Variants in HOXD4 observed in about 807,000 individuals in gnomAD.
HOXD4 encodes homeobox protein Hox-D4.
Under a neutral mutation model 22.6 loss-of-function variants are expected in HOXD4, and 15 were observed. The observed-to-expected ratio is 0.67, with a 90% CI of 0.45 to 1.02. The LOEUF is 1.02. Ranked by LOEUF, HOXD4 falls within the 50% of genes least tolerant of loss-of-function variation. HOXD4 has a pLI of 0.00. For missense variants in HOXD4, 350 were observed against 346.6 expected, an observed-to-expected ratio of 1.01 and a Z score of -0.08; for synonymous variants, 176 against 157.0, an observed-to-expected ratio of 1.12 and a Z score of -0.90.
In HOXD4 at chr2:176,152,469, A is replaced by T; in HGVS notation, c.434-139A>T. On this transcript the variant is annotated intron_variant, in intron 1 of 1. Transcript: ENST00000306324. This position sits in a 1 kb window ranked among gnomAD's most constrained non-coding sequence, Gnocchi z 5.2. ...GCGTGTGCGCCGGGGAGAGGGCGGG[A>T]GGGAGGAAGCAAGCGAGCTTGGGAG... is the stretch of plus-strand genomic sequence containing the variant. 1 of 661,318 alleles carries T rather than the reference A, an allele frequency of 1.5e-6. No individual in the cohort carries two copies. Among genetic ancestry groups the T allele is most frequent in the South Asian group, 1.5e-5 (1 of 65,778 alleles). The allele number at this position is 661,318 out of a possible 1,614,324, so 41.0% of individuals were successfully genotyped here. A position where few individuals can be genotyped will look rare whatever the true frequency, so the allele number is the denominator to read the frequency against.
At position 176,153,042 on chromosome 2, in the gene HOXD4, T is replaced by C. The variant is rs1690576747; in HGVS notation, c.*100T>C. 2 of 1,168,896 alleles carry C rather than the reference T, an allele frequency of 1.7e-6. No homozygotes were observed. Among genetic ancestry groups the C allele is most frequent in the Admixed American group, 1.8e-5 (1 of 54,946 alleles). 72.4% of individuals were successfully genotyped at this position (1,168,896 alleles called of 1,614,324 possible). ...GTCACCTCGCTGGGCTCTAAGGTAC[T>C]GTGGGGTGGACCTGGGACAAGCAGG... On this transcript the variant is annotated 3_prime_UTR_variant, in exon 2 of 2. Transcript: ENST00000306324.
chr2:176,151,846 G>C lies in HOXD4; in HGVS notation c.213G>C (p.Ser71=), dbSNP rs776389398. 3.1e-6 allele frequency: 5 copies of C among 1,594,134 alleles called. No individual in the cohort carries two copies. The South Asian group carries it at 4.5e-5, about 14-fold the overall frequency. Residue 71 remains serine, a synonymous_variant, in exon 1 of 2, where the codon TCG becomes TCC. Coordinates refer to ENST00000306324, the MANE Select transcript of HOXD4 (RefSeq NM_014621.3). The part of the protein sequence containing the change: ...PFGGSGPGPG[S]ALPARGHGQE... Reference sequence around the variant, plus strand: ...GAGGCAGCGGCCCCGGGCCTGGCTCGGCGCTGCCTGCGCGGGGTCACGGAC... The same window carrying C: ...GAGGCAGCGGCCCCGGGCCTGGCTCCGCGCTGCCTGCGCGGGGTCACGGAC...
chr2:176,152,603 C>A lies in HOXD4; in HGVS notation c.434-5C>A, dbSNP rs895888531. The A allele has an allele frequency of 5.0e-6, 8 of 1,612,676 alleles. No individual in the cohort carries two copies. The African/African-American group carries it at 8.0e-5, about 16-fold the overall frequency. On this transcript the variant is annotated splice_polypyrimidine_tract_variant and splice_region_variant and intron_variant, in intron 1 of 1. Transcript: ENST00000306324. This position sits in a 1 kb window ranked among gnomAD's most constrained non-coding sequence, Gnocchi z 5.2. ...CCTGCCTGTCCTGTCTGTTTTGTCT[C>A]GCAGTGAACCCCAACTACACCGGTG...
Position 176,151,942 on chromosome 2 carries a change from G to A in HOXD4, c.309G>A (p.Pro103=), listed in dbSNP as rs772868194. ...GEPCPAPPAP[P]PAPLPGARAY... ...CTTGCCCAGCTCCCCCGGCGCCTCC[G>A]CCGGCGCCCCTGCCTGGCGCCCGGG... Residue 103 remains proline (P), a synonymous_variant, in exon 1 of 2, where the codon CCG becomes CCA. Transcript: ENST00000306324. The A allele has an allele frequency of 1.2e-6, 2 of 1,608,820 alleles. No individual in the cohort carries two copies. The highest frequency in any genetic ancestry group is 1.7e-6 in the Non-Finnish European group (2 of 1,177,654).
Position 176,152,073 on chromosome 2 carries a change from C to G in HOXD4, c.433+7C>G, listed in dbSNP as rs1183509666. The G allele has an allele frequency of 6.2e-7, 1 of 1,612,228 alleles. No homozygotes were observed. Among genetic ancestry groups the G allele is most frequent in the Admixed American group, 1.7e-5 (1 of 60,024 alleles). ...AAGGTGCACGTGAATTCGGGTAAGGCTAGGGTCCAGTAACCTTTCTGTCCA... is the reference window on the plus strand; with the variant it reads ...AAGGTGCACGTGAATTCGGGTAAGGGTAGGGTCCAGTAACCTTTCTGTCCA... On this transcript the variant is annotated splice_region_variant and intron_variant, in intron 1 of 1. Coordinates refer to ENST00000306324, the MANE Select transcript of HOXD4 (RefSeq NM_014621.3). This position sits in a 1 kb window ranked among gnomAD's most constrained non-coding sequence, Gnocchi z 5.2.
rs752396313 is a variant in HOXD4, at chr2:176,151,684, C to G, written c.51C>G (p.Phe17Leu). ...ACTCCAAGTATGTGGACCCCAAGTT[C>G]CCTCCGTGCGAGGAGTATTTGCAGG... ...MVNSKYVDPK[F>L]PPCEEYLQGG... The change falls in exon 1 of 2, where the codon TTC becomes TTG. Residue 17 changes from phenylalanine to leucine, a missense_variant. By Grantham distance (22) the Phe-to-Leu change is conservative (BLOSUM62 0). Coordinates refer to ENST00000306324, the MANE Select transcript of HOXD4 (RefSeq NM_014621.3). 3.7e-6 allele frequency: 6 copies of G among 1,613,592 alleles called. No homozygotes were observed. In the East Asian group the frequency reaches 1.3e-4, roughly 36 times the overall value.
At position 176,153,106 on chromosome 2, in the gene HOXD4, C is replaced by G. The variant is rs761909515; in HGVS notation, c.*164C>G. On this transcript the variant is annotated 3_prime_UTR_variant, in exon 2 of 2. Coordinates refer to ENST00000306324, the MANE Select transcript of HOXD4 (RefSeq NM_014621.3). ...AGGTTAGCATCCTGCCCGAGGGCAG[C>G]CCCCTCCCTAGAGCGGGATGGGGAT... 25 of 620,664 alleles carry G rather than the reference C, an allele frequency of 4.0e-5. No individual in the cohort carries two copies. The highest frequency in any genetic ancestry group is 3.1e-4 in the Admixed American group (11 of 35,530). The allele number at this position is 620,664 out of a possible 1,614,324, so 38.4% of individuals were successfully genotyped here.
chr2:176,151,929 C>T lies in HOXD4; in HGVS notation c.296C>T (p.Pro99Leu), dbSNP rs769061056. ...GCTCCAGGAGAGCCTTGCCCAGCTCCCCCGGCGCCTCCGCCGGCGCCCCTG... is the reference window on the plus strand; with the variant it reads ...GCTCCAGGAGAGCCTTGCCCAGCTCTCCCGGCGCCTCCGCCGGCGCCCCTG... Reference protein sequence around the residue: ...YAAPGEPCPAPPAPPPAPLPG... With the variant: ...YAAPGEPCPALPAPPPAPLPG... The change falls in exon 1 of 2, where the codon CCC (proline) becomes CTC (leucine). Residue 99 changes from proline (P) to leucine (L), a missense_variant. Transcript: ENST00000306324. 1.6e-5 allele frequency: 26 copies of T among 1,604,956 alleles called. No individual in the cohort carries two copies. The East Asian group carries it at 4.7e-4, about 29-fold the overall frequency.
rs1478258762 is a variant in HOXD4 at position 176,152,509 on chromosome 2, C to G, written c.434-99C>G. Reference sequence around the variant, plus strand: ...GAGCTTGGGAGCGCGCGGGGAGGGCCGCGGGCCTCGGGGCGCGCCAGGAAG... The same window carrying G: ...GAGCTTGGGAGCGCGCGGGGAGGGCGGCGGGCCTCGGGGCGCGCCAGGAAG... On this transcript the variant is annotated intron_variant, in intron 1 of 1. Coordinates refer to ENST00000306324, the MANE Select transcript of HOXD4 (RefSeq NM_014621.3). This position sits in a 1 kb window ranked among gnomAD's most constrained non-coding sequence, Gnocchi z 5.2. 21 of 1,029,840 alleles carry G rather than the reference C, an allele frequency of 2.0e-5. No individual in the cohort carries two copies. The Admixed American group carries it at 3.7e-4, about 18-fold the overall frequency. The allele number at this position is 1,029,840 out of a possible 1,614,324, so 63.8% of individuals were successfully genotyped here. A position where few individuals can be genotyped will look rare whatever the true frequency, so the allele number is the denominator to read the frequency against.
At position 176,152,002 on chromosome 2, in the gene HOXD4, C is replaced by A. The variant is rs773037536; in HGVS notation, c.369C>A (p.Ser123=). 1 of 1,613,400 alleles carries A rather than the reference C, an allele frequency of 6.2e-7. No homozygotes were observed. The highest frequency in any genetic ancestry group is 8.5e-7 in the Non-Finnish European group (1 of 1,179,812). ...YSQSDPKQPP[S]GTALKQPAVV... is the part of the protein sequence containing the mutation. ...AGTCCGACCCCAAGCAGCCGCCCTC[C>A]GGGACGGCACTCAAGCAGCCGGCCG... Residue 123 remains serine, a synonymous_variant, in exon 1 of 2, where the codon TCC becomes TCA. Transcript: ENST00000306324. The surrounding 1 kb of genome is among the most constrained non-coding windows in gnomAD (Gnocchi z 5.2).
chr2:176,151,578 G>A lies in HOXD4; in HGVS notation c.-56G>A. 1.3e-6 allele frequency: 2 copies of A among 1,503,534 alleles called. No individual in the cohort carries two copies. Among genetic ancestry groups the A allele is most frequent in the Non-Finnish European group, 1.8e-6 (2 of 1,081,846 alleles). The allele number at this position is 1,503,534 out of a possible 1,614,324, so 93.1% of individuals were successfully genotyped here. Reference sequence around the variant, plus strand: ...TGACAGCAAGTAGGAGGGCCCTATGGAAGGAGAAAAAAAGACAACACGAGA... The same window carrying A: ...TGACAGCAAGTAGGAGGGCCCTATGAAAGGAGAAAAAAAGACAACACGAGA... On this transcript the variant is annotated 5_prime_UTR_variant, in exon 1 of 2. Transcript: ENST00000306324.
At position 176,152,199 on chromosome 2, in the gene HOXD4, T is replaced by G. The variant is rs1690546496; in HGVS notation, c.433+133T>G. On this transcript the variant is annotated intron_variant, in intron 1 of 1. Coordinates refer to ENST00000306324, the MANE Select transcript of HOXD4 (RefSeq NM_014621.3). This position sits in a 1 kb window ranked among gnomAD's most constrained non-coding sequence, Gnocchi z 5.2. ...CGCAATTACTCTCCCCATAAATTTT[T>G]ATAGCTGAGGGAGCAGGTCAGGACC... 1 of 776,472 alleles carries G rather than the reference T, an allele frequency of 1.3e-6. No homozygotes were observed. The highest frequency in any genetic ancestry group is 1.8e-5 in the African/African-American group (1 of 56,416). 48.1% of individuals were successfully genotyped at this position (776,472 alleles called of 1,614,324 possible).
rs752632869 is a variant in HOXD4 at position 176,152,014 on chromosome 2, C to G, written c.381C>G (p.Leu127=). 3 of 1,613,564 alleles carry G rather than the reference C, an allele frequency of 1.9e-6. No individual in the cohort carries two copies. In the South Asian group the frequency reaches 3.3e-5, roughly 18 times the overall value. ...AGCAGCCGCCCTCCGGGACGGCACT[C>G]AAGCAGCCGGCCGTGGTCTACCCCT... ...DPKQPPSGTA[L]KQPAVVYPWM... is the part of the protein sequence containing the mutation. Residue 127 remains leucine, a synonymous_variant, in exon 1 of 2, where the codon CTC becomes CTG. Transcript: ENST00000306324. The surrounding 1 kb of genome is among the most constrained non-coding windows in gnomAD (Gnocchi z 5.2).
At position 176,151,762 on chromosome 2, in the gene HOXD4, C is replaced by T. The variant is rs760964216; in HGVS notation, c.129C>T (p.Gly43=). The change falls in exon 1 of 2, where the codon GGC becomes GGT. Residue 43 remains glycine, a synonymous_variant. Transcript: ENST00000306324. ...ACTACTACGGCGGCGGCGCGCAGGG[C>T]GCAGACTTCCAGCCCCCGGGGCTCT... ...GADYYGGGAQ[G]ADFQPPGLYP... The T allele has an allele frequency of 1.9e-6, 3 of 1,612,848 alleles. No homozygotes were observed. In the East Asian group the frequency reaches 6.7e-5, roughly 36 times the overall value.
At position 176,151,784 on chromosome 2, in the gene HOXD4, C is replaced by T. The variant is rs1415538293; in HGVS notation, c.151C>T (p.Leu51Phe). ...GGGCGCAGACTTCCAGCCCCCGGGG[C>T]TCTACCCACGGCCCGACTTCGGTGA... ...AQGADFQPPGLYPRPDFGEQP... is the reference protein window; with the variant it reads ...AQGADFQPPGFYPRPDFGEQP... Residue 51 changes from leucine to phenylalanine, a missense_variant, in exon 1 of 2, where the codon CTC (leucine) becomes TTC (phenylalanine). Leu to Phe is a conservative substitution (Grantham distance 22). Transcript: ENST00000306324. 6.2e-7 allele frequency: 1 copy of T among 1,612,364 alleles called. No homozygotes were observed. Among genetic ancestry groups the T allele is most frequent in the South Asian group, 1.1e-5 (1 of 91,032 alleles).
rs1349417720 is a variant in HOXD4 at position 176,152,471 on chromosome 2, G to A, written c.434-137G>A. On this transcript the variant is annotated intron_variant, in intron 1 of 1. Coordinates refer to ENST00000306324, the MANE Select transcript of HOXD4 (RefSeq NM_014621.3). This position sits in a 1 kb window ranked among gnomAD's most constrained non-coding sequence, Gnocchi z 5.2. Reference sequence around the variant, plus strand: ...GTGTGCGCCGGGGAGAGGGCGGGAGGGAGGAAGCAAGCGAGCTTGGGAGCG... The same window carrying A: ...GTGTGCGCCGGGGAGAGGGCGGGAGAGAGGAAGCAAGCGAGCTTGGGAGCG... 4.0e-6 allele frequency: 3 copies of A among 741,926 alleles called. No homozygotes were observed. The highest frequency in any genetic ancestry group is 7.1e-6 in the Non-Finnish European group (3 of 420,728). The allele number at this position is 741,926 out of a possible 1,614,324, so 46.0% of individuals were successfully genotyped here.
rs779403544 is a variant in HOXD4 at position 176,151,565 on chromosome 2, G to C, written c.-69G>C. The stretch of plus-strand genomic sequence containing the variant: ...AACTTTATTCAGTTGACAGCAAGTA[G>C]GAGGGCCCTATGGAAGGAGAAAAAA... On this transcript the variant is annotated 5_prime_UTR_variant, in exon 1 of 2. Coordinates refer to ENST00000306324, the MANE Select transcript of HOXD4 (RefSeq NM_014621.3). The C allele has an allele frequency of 3.1e-4, 429 of 1,377,046 alleles. 3 individuals carry two copies. Among genetic ancestry groups the C allele is most frequent in the Middle Eastern group, 2.2e-4 (1 of 4,638 alleles). 85.3% of individuals were successfully genotyped at this position (1,377,046 alleles called of 1,614,324 possible).
Position 176,152,613 on chromosome 2 carries a change from C to A in HOXD4, c.439C>A (p.Pro147Thr), listed in dbSNP as rs1398537197. The change falls in exon 2 of 2, where the codon CCC (proline) becomes ACC (threonine). Residue 147 changes from proline (P) to threonine (T), a missense_variant. Pro to Thr is a conservative substitution (Grantham distance 38). Transcript: ENST00000306324. This position sits in a 1 kb window ranked among gnomAD's most constrained non-coding sequence, Gnocchi z 5.2. The part of the protein sequence containing the change: ...MKKVHVNSVN[P>T]NYTGGEPKRS... ...CTGTCTGTTTTGTCTCGCAGTGAAC[C>A]CCAACTACACCGGTGGGGAACCCAA... The A allele has an allele frequency of 1.9e-6, 3 of 1,613,860 alleles. No homozygotes were observed. In the South Asian group the frequency reaches 3.3e-5, roughly 18 times the overall value.
At position 176,152,907 on chromosome 2, in the gene HOXD4, G is replaced by A. The variant is rs554341727; in HGVS notation, c.733G>A (p.Ala245Thr). The change falls in exon 2 of 2, where the codon GCC (alanine) becomes ACC (threonine). Residue 245 changes from alanine (A) to threonine (T), a missense_variant. By Grantham distance (58) the Ala-to-Thr change is moderately conservative. Transcript: ENST00000306324. This position sits in a 1 kb window ranked among gnomAD's most constrained non-coding sequence, Gnocchi z 5.2. ...CCCCAGCCAGCATTTACAGCCGATG[G>A]CCAAAGACCACCACACGGACCTGAC... ...VAPSQHLQPM[A>T]KDHHTDLTTL is the part of the protein sequence containing the mutation. 5 of 1,614,134 alleles carry A rather than the reference G, an allele frequency of 3.1e-6. No homozygotes were observed. In the South Asian group the frequency reaches 4.4e-5, roughly 14 times the overall value.
Sources: gnomAD v4.1 joint callset for allele counts on GRCh38, gnomAD v4.1.1 for gene constraint, Gnocchi (gnomAD v3.1) non-coding constraint, MANE v1.5 for transcripts, NCBI Gene and HGNC (gene_info 2026-07-23, HGNC 2026-07-21) for gene names.